UTRN: variants seen among roughly 807,000 people sequenced by gnomAD.
The protein encoded by UTRN is utrophin, also known as dystrophin-related protein 1.
A neutral mutation model predicts 463.9 loss-of-function variants in UTRN; 283 were observed. That is an observed-to-expected ratio of 0.61 (90% CI 0.55 to 0.67). UTRN has a LOEUF of 0.67. UTRN is among the 30% of genes least tolerant of loss of function. The probability of loss-of-function intolerance (pLI) is 0.00; values close to 1 mark genes in which losing one functional copy is unlikely to be tolerated. For missense variants in UTRN, 3,922 were observed against 4,084.3 expected (o/e 0.96, Z 1.08); for synonymous variants, 1,442 against 1,431.5 (o/e 1.01, Z -0.17).
Position 144,814,596 on chromosome 6 carries a change from A to G in UTRN, c.9358-6286A>G, listed in dbSNP as rs1479104047. 3.3e-5 allele frequency among the ~76,000 whole-genome samples: 5 copies of G among 152,240 alleles called. No homozygotes were observed. The East Asian group carries it at 7.7e-4, about 23-fold the overall frequency. ...AGTATCAAGACCAAATCTCATATAAAGGAATTTTAAGAAAAAGAGATAAGG... is the reference window on the plus strand; with the variant it reads ...AGTATCAAGACCAAATCTCATATAAGGGAATTTTAAGAAAAAGAGATAAGG... On this transcript the variant is annotated intron_variant, in intron 65 of 74. Transcript: ENST00000367545.
At chr6:144,743,248 C>T (rs1033369497) in intron 54 of UTRN, among the ~76,000 whole-genome samples, 16 of 151,894 alleles carry the variant, frequency 1.1e-4, no homozygotes, top group African/African-American at 3.9e-4. Context: ...GTAGAAAAGC[C>T]ACAATGGAGA....
intron 52 of UTRN, among the ~76,000 whole-genome samples, chr6:144,695,842 A>C (rs1783948230): frequency 6.6e-6 from 1 of 152,190 alleles, no homozygotes; most frequent in African/African-American, 2.4e-5. Context: ...TACACTAATA[A>C]GTTCTCTGCT....
At chr6:144,544,687 A>G (rs1277645928) in intron 46 of UTRN, among the ~76,000 whole-genome samples, 1 of 151,412 alleles carries the variant, frequency 6.6e-6, no homozygotes, top group African/African-American at 2.4e-5. Context: ...TAGTGACCTC[A>G]TCTCATTTTC....
At chr6:144,678,236 C>A (rs1781843799) in intron 51 of UTRN, among the ~76,000 whole-genome samples, 170 bp from the exon 52 acceptor site, 1 of 152,134 alleles carries the variant, frequency 6.6e-6, no homozygotes, top group Non-Finnish European at 1.5e-5. Flanking sequence ...GCTGGAGGTA[C>A]TGAAGATTTA....
intron 25 of UTRN, among the ~76,000 whole-genome samples, chr6:144,476,537 A>C (rs548850629): frequency 5.3e-5 from 8 of 152,172 alleles, no homozygotes; most frequent in Non-Finnish European, 8.8e-5. Context: ...CATTTACTGC[A>C]ATAACGAAGG....
chr6:144,747,101 A>G (rs1315696469), intron 54 of UTRN, among the ~76,000 whole-genome samples: 1 of 152,182 alleles, frequency 6.6e-6, no homozygotes, highest in Non-Finnish European at 1.5e-5. Flanking sequence ...TGTGCATTTT[A>G]TGGTGAAGTT....
chr6:144,626,450 T>A (rs951790934), intron 51 of UTRN, among the ~76,000 whole-genome samples: 3 of 152,188 alleles, frequency 2.0e-5, no homozygotes, highest in African/African-American at 7.2e-5. Flanking sequence ...GTGAATCCGC[T>A]TTCCTCCCCG....
intron 57 of UTRN, among the ~76,000 whole-genome samples, chr6:144,757,619 G>C (rs879509220): frequency 1.3e-5 from 2 of 152,064 alleles, no homozygotes; most frequent in Non-Finnish European, 2.9e-5. Context: ...ATGGAGTACA[G>C]TTTCCAGATG....
At chr6:144,484,208 A>T (rs1352551257) in intron 27 of UTRN, among the ~76,000 whole-genome samples, 1 of 152,162 alleles carries the variant, frequency 6.6e-6, no homozygotes, top group Non-Finnish European at 1.5e-5. Context: ...CAAAACCAAC[A>T]CAGTAAGAAC....
intron 50 of UTRN, among the ~76,000 whole-genome samples, chr6:144,559,631 T>TGGC: frequency 6.6e-6 from 1 of 152,282 alleles, no homozygotes; most frequent in Non-Finnish European, 1.5e-5. Flanking sequence ...ACGAGTGACC[T>TGGC]TAGAGTTCTT....
chr6:144,406,469 C>T (rs574048364), intron 3 of UTRN, among the ~76,000 whole-genome samples: 13 of 150,802 alleles, frequency 8.6e-5, no homozygotes, highest in Admixed American at 5.3e-4. Context: ...CAGGTTGCAG[C>T]GATTCTCCTG....
Position 144,510,996 on chromosome 6 carries a change from A to G in UTRN, c.4817A>G (p.Glu1606Gly), listed in dbSNP as rs1193877727. The change falls in exon 35 of 75, where the codon GAG becomes GGG. Residue 1606 changes from glutamate to glycine, a missense_variant. Transcript: ENST00000367545. Reference sequence around the variant, plus strand: ...AAAGCTGATTTAAATACCATCACAGAGAGTAGTGCTGCCCTGCAAAACTTG... The same window carrying G: ...AAAGCTGATTTAAATACCATCACAGGGAGTAGTGCTGCCCTGCAAAACTTG... ...KRKADLNTIT[E>G]SSAALQNLIE... is the part of the protein sequence containing the mutation. 7.5e-6 allele frequency: 12 copies of G among 1,610,664 alleles called. No individual in the cohort carries two copies. The highest frequency in any genetic ancestry group is 9.3e-6 in the Non-Finnish European group (11 of 1,177,864).
intron 2 of UTRN, among the ~76,000 whole-genome samples, chr6:144,368,090 T>C (rs1779663873): frequency 6.6e-6 from 1 of 152,198 alleles, no homozygotes; most frequent in African/African-American, 2.4e-5. Flanking sequence ...TTCTGTTTCC[T>C]TTATTACTGA....
At chr6:144,688,436 G>C (rs1782974707) in intron 52 of UTRN, among the ~76,000 whole-genome samples, 1 of 152,168 alleles carries the variant, frequency 6.6e-6, no homozygotes. Context: ...TGGTGTTAAA[G>C]AACCCTGTTT....
At chr6:144,299,055 G>A (rs1805005647) in intron 2 of UTRN, among the ~76,000 whole-genome samples, 1 of 152,186 alleles carries the variant, frequency 6.6e-6, no homozygotes, top group Admixed American at 6.5e-5. Flanking sequence ...GCCCCTCAAA[G>A]GCTACGTGTG....
intron 50 of UTRN, among the ~76,000 whole-genome samples, chr6:144,565,471 G>A (rs1164542810): frequency 6.6e-6 from 1 of 152,068 alleles, no homozygotes; most frequent in Non-Finnish European, 1.5e-5. Flanking sequence ...GAAGAAGAGA[G>A]GGGTATGCTT....
At chr6:144,398,416 G>C in intron 2 of UTRN, 1 of 383,376 alleles carries the variant, frequency 2.6e-6, no homozygotes, top group Non-Finnish European at 5.2e-6. Context: ...TTGCATTAAT[G>C]CACACTCAAG....
chr6:144,482,190 C>A lies in UTRN; in HGVS notation c.3508-19C>A. The A allele has an allele frequency of 1.4e-6, 2 of 1,418,508 alleles. No individual in the cohort carries two copies. Among genetic ancestry groups the A allele is most frequent in the Admixed American group, 2.6e-5 (1 of 38,490 alleles). 87.9% of individuals were successfully genotyped at this position (1,418,508 alleles called of 1,614,324 possible). A position where few individuals can be genotyped will look rare whatever the true frequency, so the allele number is the denominator to read the frequency against. On this transcript the variant is annotated intron_variant, in intron 26 of 74. Transcript: ENST00000367545. ...AAAGGGAGACGTTTTTCAAGTTCATCCATCCTTTCTTGGAACAGAGGGCAA... is the reference window on the plus strand; with the variant it reads ...AAAGGGAGACGTTTTTCAAGTTCATACATCCTTTCTTGGAACAGAGGGCAA...
chr6:144,429,717 T>C lies in UTRN; in HGVS notation c.831T>C (p.Cys277=). 1 of 1,611,432 alleles carries C rather than the reference T, an allele frequency of 6.2e-7. No homozygotes were observed. The highest frequency in any genetic ancestry group is 8.5e-7 in the Non-Finnish European group (1 of 1,179,114). The change falls in exon 9 of 75, where the codon TGT becomes TGC. Residue 277 remains cysteine, a synonymous_variant. Coordinates refer to ENST00000367545, the MANE Select transcript of UTRN (RefSeq NM_007124.3). ...TCCCAAGGAAATATAAAAAAGAATG[T>C]GAAGAAGAGGCAATTAATATACAGG... The part of the protein sequence containing the change: ...ETLPRKYKKE[C]EEEAINIQST...
Sources: allele counts gnomAD v4.1 joint callset (sites outside exome capture counted in the v4.1 genomes callset), GRCh38; gene constraint gnomAD v4.1.1; transcripts MANE v1.5; gene names NCBI Gene and HGNC (gene_info 2026-07-23, HGNC 2026-07-21).